AHNAK2: variants seen among roughly 807,000 people sequenced by gnomAD.
AHNAK2 encodes protein AHNAK2.
Under a neutral mutation model 30.7 loss-of-function variants are expected in AHNAK2, and 18 were observed. That is an observed-to-expected ratio of 0.59 (90% CI 0.41 to 0.87). The LOEUF is 0.87. AHNAK2 is among the 40% of genes least tolerant of loss of function. The pLI, the probability that AHNAK2 is intolerant of heterozygous loss-of-function variation, is 0.00. For synonymous variants in AHNAK2, 3,590 were observed against 3,073.8 expected (o/e 1.17, Z -5.56); for missense variants, 8,604 against 7,373.0 (o/e 1.17, Z -6.11).
chr14:104,946,368 A>G lies in AHNAK2; in HGVS notation c.9083T>C (p.Ile3028Thr), dbSNP rs371504680. 3.7e-5 allele frequency: 59 copies of G among 1,611,690 alleles called. No homozygotes were observed. The highest frequency in any genetic ancestry group is 4.7e-5 in the Non-Finnish European group (56 of 1,179,220). ...QGDLKTTDIS[I>T]EPPSAQLEVQ... ...CTCCAGTTGGGCAGAGGGGGGCTCAATGCTGATGTCAGTGGTCTTCAGGTC... is the reference window on the plus strand; with the variant it reads ...CTCCAGTTGGGCAGAGGGGGGCTCAGTGCTGATGTCAGTGGTCTTCAGGTC... The change falls in exon 7 of 7, where the codon ATT (isoleucine) becomes ACT (threonine). Residue 3028 changes from isoleucine (I) to threonine (T), a missense_variant. By Grantham distance (89) the Ile-to-Thr change is moderately conservative (BLOSUM62 -1). Coordinates refer to ENST00000333244, the MANE Select transcript of AHNAK2 (RefSeq NM_138420.4).
rs1286549331 is a variant in AHNAK2, at chr14:104,942,058, T to A, written c.13393A>T (p.Met4465Leu). 3 of 1,610,060 alleles carry A rather than the reference T, an allele frequency of 1.9e-6. No homozygotes were observed. In the African/African-American group the frequency reaches 4.1e-5, roughly 22 times the overall value. Residue 4465 changes from methionine to leucine, a missense_variant, in exon 7 of 7, where the codon ATG (methionine) becomes TTG (leucine). Transcript: ENST00000333244. ...AAGGATGGCATCTTGAACTTGGGCA[T>A]TTTGAACTTGCTGTCTTTGGCAGTC... The part of the protein sequence containing the change: ...DVTAKDSKFK[M>L]PKFKMPSFGM...
In AHNAK2 at chr14:104,953,210, G is replaced by T. The variant is rs372747477; in HGVS notation, c.2241C>A (p.Pro747=). 4 of 1,611,044 alleles carry T rather than the reference G, an allele frequency of 2.5e-6. No individual in the cohort carries two copies. In the South Asian group the frequency reaches 3.3e-5, roughly 13 times the overall value. ...CTTTGAGGCTGGCTCCCTCGGGCAGGGGGCCCTCCGGAAGTTTCACATCCA... is the reference window on the plus strand; with the variant it reads ...CTTTGAGGCTGGCTCCCTCGGGCAGTGGGCCCTCCGGAAGTTTCACATCCA... ...GQVDVKLPEG[P]LPEGASLKGH... is the part of the protein sequence containing the mutation. The change falls in exon 7 of 7, where the codon CCC becomes CCA. Residue 747 remains proline (P), a synonymous_variant. Coordinates refer to ENST00000333244, the MANE Select transcript of AHNAK2 (RefSeq NM_138420.4).
At position 104,940,650 on chromosome 14, in the gene AHNAK2, A is replaced by G; in HGVS notation, c.14801T>C (p.Val4934Ala). Residue 4934 changes from valine (V) to alanine (A), a missense_variant, in exon 7 of 7, where the codon GTG becomes GCG. Transcript: ENST00000333244. The surrounding 1 kb of genome is among the most constrained non-coding windows in gnomAD (Gnocchi z 4.4). ...TTCAGAAGGGGCTTCTCCAGGGGCC[A>G]CTACTGATGTCTGCAAGGAGGCCAC... ...ELVASLQTSV[V>A]APGEAPSEDA... The G allele has an allele frequency of 6.2e-7, 1 of 1,613,516 alleles. No homozygotes were observed. Among genetic ancestry groups the G allele is most frequent in the Non-Finnish European group, 8.5e-7 (1 of 1,179,876 alleles).
chr14:104,970,210 C>T (rs1899436802), intron 1 of AHNAK2, among the ~76,000 whole-genome samples: 2 of 152,174 alleles, frequency 1.3e-5, no homozygotes, highest in African/African-American at 4.8e-5. Flanking sequence ...TCCGCCGGCA[C>T]CCCAGGGACC....
rs1424998075 is a variant in AHNAK2, at chr14:104,966,359, C to G, written c.56-8687G>C. ...CACGGTGTCAGCCCAAGAATTGTAC[C>G]CCTGGCAACCCCACAACACGATCTC... On this transcript the variant is annotated intron_variant, in intron 1 of 6. Transcript: ENST00000333244. The surrounding 1 kb of genome is among the most constrained non-coding windows in gnomAD (Gnocchi z 4.3). Among the ~76,000 whole-genome samples the G allele has an allele frequency of 1.3e-5, 2 of 152,128 alleles. No individual in the cohort carries two copies. The highest frequency in any genetic ancestry group is 2.9e-5 in the Non-Finnish European group (2 of 68,020).
Position 104,947,467 on chromosome 14 carries a change from C to G in AHNAK2, c.7984G>C (p.Ala2662Pro). The G allele has an allele frequency of 6.2e-7, 1 of 1,612,740 alleles. No homozygotes were observed. Among genetic ancestry groups the G allele is most frequent in the Non-Finnish European group, 8.5e-7 (1 of 1,179,522 alleles). ...KFKMPSFRVSAPGESIEALVD... is the reference protein window; with the variant it reads ...KFKMPSFRVSPPGESIEALVD... ...AACGCCTCGATGGACTCGCCTGGGG[C>G]CGACACCCTGAATGATGGCATCTTG... Residue 2662 changes from alanine to proline, a missense_variant, in exon 7 of 7, where the codon GCC (alanine) becomes CCC (proline). Ala to Pro is a conservative substitution (Grantham distance 27, BLOSUM62 -1). Transcript: ENST00000333244.
At chr14:104,965,860 C>A (rs1442686199) in intron 1 of AHNAK2, among the ~76,000 whole-genome samples, 1 of 152,218 alleles carries the variant, frequency 6.6e-6, no homozygotes, top group East Asian at 1.9e-4. Flanking sequence ...CTCATCCCCT[C>A]TCTGAGCTTT....
intron 1 of AHNAK2, among the ~76,000 whole-genome samples, chr14:104,972,712 G>A (rs1899499577): frequency 6.6e-6 from 1 of 152,106 alleles, no homozygotes; most frequent in Admixed American, 6.5e-5. Context: ...CCATGGGAAC[G>A]CACCACACCC....
intron 1 of AHNAK2, among the ~76,000 whole-genome samples, chr14:104,961,236 C>G (rs915899144): frequency 6.7e-6 from 1 of 148,670 alleles, no homozygotes; most frequent in African/African-American, 2.5e-5. Context: ...TGTTGTGGGC[C>G]GGGCACGGTG....
chr14:104,972,863 C>T (rs985975178), intron 1 of AHNAK2, among the ~76,000 whole-genome samples: 1 of 152,192 alleles, frequency 6.6e-6, no homozygotes, highest in African/African-American at 2.4e-5. Context: ...GGTGGGTGCC[C>T]ACAGCACGGT....
Position 104,952,092 on chromosome 14 carries a change from G to C in AHNAK2, c.3359C>G (p.Pro1120Arg). 1.2e-6 allele frequency: 2 copies of C among 1,612,668 alleles called. No homozygotes were observed. The highest frequency in any genetic ancestry group is 1.7e-6 in the Non-Finnish European group (2 of 1,179,716). Residue 1120 changes from proline (P) to arginine (R), a missense_variant, in exon 7 of 7, where the codon CCT becomes CGT. Coordinates refer to ENST00000333244, the MANE Select transcript of AHNAK2 (RefSeq NM_138420.4). ...LKSPKAEVTA[P>R]DVEVSLPSVE... is the part of the protein sequence containing the mutation. The stretch of plus-strand genomic sequence containing the variant: ...GCTGGGCAGAGACACCTCCACATCA[G>C]GGGCTGTGACTTCCGCCTTGGGGCT...
Position 104,942,989 on chromosome 14 carries a change from C to T in AHNAK2, c.12462G>A (p.Ala4154=), listed in dbSNP as rs530531332. Residue 4154 remains alanine, a synonymous_variant, in exon 7 of 7, where the codon GCG becomes GCA. Transcript: ENST00000333244. The stretch of plus-strand genomic sequence containing the variant: ...CCTTCAGCTCAGACACATCCACGGA[C>T]GCCTCCATGGACTTGCCTGGGGCCG... ...GVSAPGKSME[A]SVDVSELKAK... 1.7e-5 allele frequency: 27 copies of T among 1,612,018 alleles called. No homozygotes were observed. Among genetic ancestry groups the T allele is most frequent in the African/African-American group, 8.1e-5 (6 of 74,268 alleles).
Position 104,939,195 on chromosome 14 carries a change from T to C in AHNAK2, c.16256A>G (p.Asn5419Ser), listed in dbSNP as rs746162370. Residue 5419 changes from asparagine (N) to serine (S), a missense_variant, in exon 7 of 7, where the codon AAT becomes AGT. By Grantham distance (46) the Asn-to-Ser change is conservative. Coordinates refer to ENST00000333244, the MANE Select transcript of AHNAK2 (RefSeq NM_138420.4). ...TVREVQCPEANIDTALCKESP... is the reference protein window; with the variant it reads ...TVREVQCPEASIDTALCKESP... ...TTCCTTACAAAGGGCTGTATCAATA[T>C]TGGCCTCTGGACACTGCACTTCCCT... The C allele has an allele frequency of 3.1e-6, 5 of 1,613,636 alleles. No individual in the cohort carries two copies. The highest frequency in any genetic ancestry group is 2.2e-5 in the South Asian group (2 of 91,072).
In AHNAK2 at chr14:104,948,636, A is replaced by G; in HGVS notation, c.6815T>C (p.Val2272Ala). 1 of 1,612,112 alleles carries G rather than the reference A, an allele frequency of 6.2e-7. No individual in the cohort carries two copies. Among genetic ancestry groups the G allele is most frequent in the Non-Finnish European group, 8.5e-7 (1 of 1,179,656 alleles). The change falls in exon 7 of 7, where the codon GTG becomes GCG. Residue 2272 changes from valine to alanine, a missense_variant. Transcript: ENST00000333244. Reference protein sequence around the residue: ...KLDLKDPKVEVTAPDVEVSLP... With the variant: ...KLDLKDPKVEATAPDVEVSLP... ...AGACACCTCCACATCAGGGGCTGTC[A>G]CTTCCACCTTGGGGTCTTTTAGGTC...
chr14:104,949,024 T>G lies in AHNAK2; in HGVS notation c.6427A>C (p.Asn2143His), dbSNP rs199550173. 3 of 1,065,864 alleles carry G rather than the reference T, an allele frequency of 2.8e-6. 1 individual carries two copies. Among genetic ancestry groups the G allele is most frequent in the South Asian group, 3.0e-5 (2 of 66,520 alleles). 66.0% of individuals were successfully genotyped at this position (1,065,864 alleles called of 1,614,324 possible). A position where few individuals can be genotyped will look rare whatever the true frequency, so the allele number is the denominator to read the frequency against. Residue 2143 changes from asparagine to histidine, a missense_variant, in exon 7 of 7, where the codon AAC (asparagine) becomes CAC (histidine). Physicochemically the swap from Asn to His is moderately conservative, Grantham distance 68. Transcript: ENST00000333244. Reference protein sequence around the residue: ...AHLQGDLTLANKDLTTKDSKF... With the variant: ...AHLQGDLTLAHKDLTTKDSKF... ...CTGTCTTTGGTAGTCAGGTCCTTGT[T>G]GGCCAGGGTCAGGTCCCCCTGCAGA...
rs576154578 is a variant in AHNAK2, at chr14:104,944,085, A to C, written c.11366T>G (p.Leu3789Arg). The change falls in exon 7 of 7, where the codon CTG becomes CGG. Residue 3789 changes from leucine (L) to arginine (R), a missense_variant. By Grantham distance (102) the Leu-to-Arg change is moderately radical. Coordinates refer to ENST00000333244, the MANE Select transcript of AHNAK2 (RefSeq NM_138420.4). Reference protein sequence around the residue: ...KLDSAQLEGDLSLADKDVTAK... With the variant: ...KLDSAQLEGDRSLADKDVTAK... ...AGTCACATCCTTGTCGGCCAGGGAC[A>C]GGTCCCCCTCCAGCTGTGCACTATC... The C allele has an allele frequency of 2.3e-4, 371 of 1,613,322 alleles. 2 individuals are homozygous for C. The East Asian group carries it at 8.1e-3, about 35-fold the overall frequency.
rs767094069 is a variant in AHNAK2, at chr14:104,939,942, A to G, written c.15509T>C (p.Val5170Ala). Residue 5170 changes from valine to alanine, a missense_variant, in exon 7 of 7, where the codon GTC becomes GCC. By Grantham distance (64) the Val-to-Ala change is moderately conservative. Coordinates refer to ENST00000333244, the MANE Select transcript of AHNAK2 (RefSeq NM_138420.4). The part of the protein sequence containing the change: ...QPSCRKPDAE[V>A]LTVESPEEEA... ...CTCCTCTGGGCTTTCCACTGTGAGG[A>G]CTTCAGCATCTGGTTTTCTACAGGA... The G allele has an allele frequency of 1.2e-6, 2 of 1,612,116 alleles. No homozygotes were observed. Among genetic ancestry groups the G allele is most frequent in the Non-Finnish European group, 1.7e-6 (2 of 1,179,886 alleles).
In AHNAK2 at chr14:104,949,422, G is replaced by C; in HGVS notation, c.6029C>G (p.Ser2010Trp). 1.3e-6 allele frequency: 2 copies of C among 1,587,100 alleles called. No individual in the cohort carries two copies. The highest frequency in any genetic ancestry group is 8.6e-7 in the Non-Finnish European group (1 of 1,162,204). Reference protein sequence around the residue: ...VSAPGRSIEASVDVPAPKVEA... With the variant: ...VSAPGRSIEAWVDVPAPKVEA... Reference sequence around the variant, plus strand: ...CACCTTGGGTGCAGGCACATCCACCGAGGCCTCGATGGACCTCCCTGGGGC... The same window carrying C: ...CACCTTGGGTGCAGGCACATCCACCCAGGCCTCGATGGACCTCCCTGGGGC... The change falls in exon 7 of 7, where the codon TCG (serine) becomes TGG (tryptophan). Residue 2010 changes from serine (S) to tryptophan (W), a missense_variant. Transcript: ENST00000333244.
chr14:104,972,119 A>G (rs1360019582), intron 1 of AHNAK2, among the ~76,000 whole-genome samples: 1 of 152,208 alleles, frequency 6.6e-6, no homozygotes, highest in Non-Finnish European at 1.5e-5. Flanking sequence ...GGGCAGGGGC[A>G]CTTGCCGGCA....
Sources: allele counts gnomAD v4.1 joint callset (sites outside exome capture counted in the v4.1 genomes callset), GRCh38; gene constraint gnomAD v4.1.1; non-coding constraint Gnocchi (gnomAD v3.1); transcripts MANE v1.5; gene names NCBI Gene and HGNC (gene_info 2026-07-23, HGNC 2026-07-21).